NR2F1-AS1: variants seen among roughly 807,000 people sequenced by gnomAD.
The protein encoded by NR2F1-AS1 is NR2F1 antisense RNA 1.
chr5:93,421,062 A>G (rs887273589), intron 4 of NR2F1-AS1, among the ~76,000 whole-genome samples: 11 of 152,232 alleles, frequency 7.2e-5, no homozygotes, highest in African/African-American at 2.7e-4. Context: ...AAAGTTTTTC[A>G]TAAGAAACTT....
At chr5:93,550,207 T>C (rs1489128522) in intron 4 of NR2F1-AS1, among the ~76,000 whole-genome samples, 1 of 152,074 alleles carries the variant, frequency 6.6e-6, no homozygotes, top group Non-Finnish European at 1.5e-5. Flanking sequence ...TTTCTACTAC[T>C]CAGTTGCCAG....
rs541429345 is a variant in NR2F1-AS1 at position 93,578,542 on chromosome 5, C to A, written n.313+1925G>T. On this transcript the variant is annotated intron_variant and non_coding_transcript_variant, in intron 1 of 5. Transcript: ENST00000660523. ...CAGACCCGCCAAACCGAAAGAGAGA[C>A]CCTGGAGAGGGCTGAGCCCCTGTGG... Among the ~76,000 whole-genome samples the A allele has an allele frequency of 1.0e-3, 156 of 152,246 alleles. 2 individuals carry two copies. The highest frequency in any genetic ancestry group is 6.8e-3 in the Middle Eastern group (2 of 294).
intron 4 of NR2F1-AS1, among the ~76,000 whole-genome samples, chr5:93,472,098 T>TA (rs1222835321): frequency 6.6e-6 from 1 of 151,828 alleles, no homozygotes. Flanking sequence ...ATAACTTATA[T>TA]AAGTTCACAA....
chr5:93,440,948 C>T (rs1749555652), intron 4 of NR2F1-AS1, among the ~76,000 whole-genome samples: 1 of 152,102 alleles, frequency 6.6e-6, no homozygotes, highest in African/African-American at 2.4e-5. Context: ...CTCCAAAAAC[C>T]CAATAGGAAA....
At chr5:93,582,954 G>A (rs575472338), upstream of NR2F1-AS1, among the ~76,000 whole-genome samples, 1 of 152,172 alleles carries the variant, frequency 6.6e-6, no homozygotes, top group East Asian at 1.9e-4. Context: ...TAAGCGGGGG[G>A]GGGAGAAAGA....
chr5:93,487,143 C>T (rs190272878), intron 4 of NR2F1-AS1, among the ~76,000 whole-genome samples: 28 of 152,220 alleles, frequency 1.8e-4, no homozygotes, highest in Non-Finnish European at 3.1e-4. Flanking sequence ...CAATATCATA[C>T]TGAATGGGCA....
intron 2 of NR2F1-AS1, among the ~76,000 whole-genome samples, chr5:93,562,696 T>C (rs1264212674): frequency 6.6e-6 from 1 of 152,168 alleles, no homozygotes; most frequent in African/African-American, 2.4e-5. Flanking sequence ...AAAAATCACA[T>C]GAATACATTA....
At chr5:93,458,644 C>T (rs1162858288) in intron 4 of NR2F1-AS1, among the ~76,000 whole-genome samples, 18 of 151,878 alleles carry the variant, frequency 1.2e-4, no homozygotes, top group Admixed American at 1.2e-3. Context: ...AGCCATAAAA[C>T]AAAAAACCAA....
At chr5:93,540,715 A>T (rs1456248627) in intron 4 of NR2F1-AS1, among the ~76,000 whole-genome samples, 1 of 152,204 alleles carries the variant, frequency 6.6e-6, no homozygotes, top group Non-Finnish European at 1.5e-5. Flanking sequence ...CAAGATAAAG[A>T]AGAATTTTTC....
chr5:93,461,754 C>T (rs927929403), intron 4 of NR2F1-AS1, among the ~76,000 whole-genome samples: 6 of 152,084 alleles, frequency 3.9e-5, no homozygotes, highest in African/African-American at 1.4e-4. Flanking sequence ...ACAGATGGGC[C>T]ACCAAAGCAC....
intron 4 of NR2F1-AS1, among the ~76,000 whole-genome samples, chr5:93,418,325 C>A (rs191843142): frequency 3.1e-4 from 47 of 152,124 alleles, no homozygotes; most frequent in African/African-American, 1.1e-3. Context: ...AATAAACTTC[C>A]CACCTGTAAT....
intron 4 of NR2F1-AS1, among the ~76,000 whole-genome samples, chr5:93,457,534 T>C (rs1051874065): frequency 1.3e-5 from 2 of 152,170 alleles, no homozygotes; most frequent in African/African-American, 4.8e-5. Context: ...TACTTCTTTC[T>C]ACATAGACAC....
chr5:93,542,308 T>C (rs1197845527), intron 4 of NR2F1-AS1: 1 of 152,056 alleles, frequency 6.6e-6, no homozygotes, highest in African/African-American at 2.4e-5. Flanking sequence ...ACTATCTTCT[T>C]GAACTTCTAT....
intron 2 of NR2F1-AS1, among the ~76,000 whole-genome samples, chr5:93,558,966 T>G (rs1316685963): frequency 2.6e-5 from 4 of 152,226 alleles, no homozygotes; most frequent in African/African-American, 9.6e-5. Flanking sequence ...GAATGGCAAA[T>G]GAGCATTGGC....
intron 2 of NR2F1-AS1, among the ~76,000 whole-genome samples, chr5:93,556,532 GACCT>G (rs1329917026): frequency 6.6e-6 from 1 of 152,130 alleles, no homozygotes; most frequent in Non-Finnish European, 1.5e-5. Context: ...CTGTGAATGT[GACCT>G]TATTTGGAGA....
intron 4 of NR2F1-AS1, among the ~76,000 whole-genome samples, chr5:93,455,205 T>C (rs1365676382): frequency 6.6e-6 from 1 of 152,202 alleles, no homozygotes; most frequent in African/African-American, 2.4e-5. Context: ...AGCATTCTGT[T>C]AAATATATGA....
intron 2 of NR2F1-AS1, among the ~76,000 whole-genome samples, chr5:93,558,319 CT>C (rs776183434): frequency 0.042 from 5,873 of 138,884 alleles, 324 homozygotes; most frequent in African/African-American, 0.14. Flanking sequence ...AAATGTATTT[CT>C]TTTTTTTTTT....
chr5:93,581,802 TC>T (rs1195049274), upstream of NR2F1-AS1, among the ~76,000 whole-genome samples: 4 of 47,918 alleles, frequency 8.3e-5, 1 homozygote, highest in African/African-American at 2.7e-4. Context: ...CCTCTCCCTC[TC>T]CCTCTCCCTC....
intron 1 of NR2F1-AS1, among the ~76,000 whole-genome samples, chr5:93,580,219 C>T (rs1752991500): frequency 6.6e-6 from 1 of 152,236 alleles, no homozygotes; most frequent in Admixed American, 6.5e-5. Flanking sequence ...TGGATTGCTG[C>T]TCGCCTGGCA....
Sources: allele counts gnomAD v4.1 joint callset (sites outside exome capture counted in the v4.1 genomes callset), GRCh38; gene constraint gnomAD v4.1.1; transcripts MANE v1.5; gene names NCBI Gene and HGNC (gene_info 2026-07-23, HGNC 2026-07-21).